Variants in CHST11 observed in about 807,000 individuals in gnomAD.
The protein encoded by CHST11 is C4S-1.
In CHST11, 9 loss-of-function variants were observed where a neutral mutation model predicts 30.4. The ratio of observed to expected loss-of-function variants is 0.30; its 90% CI spans 0.18 to 0.52. The LOEUF is 0.52. CHST11 is among the 20% of genes least tolerant of loss of function. The pLI is 0.97. For missense variants in CHST11, 348 were observed against 460.6 expected, an observed-to-expected ratio of 0.76 and a Z score of 2.24; for synonymous variants, 152 against 187.8, an observed-to-expected ratio of 0.81 and a Z score of 1.56.
rs1156636804 is a variant in CHST11, at chr12:104,754,622, C to T, written c.205-2327C>T. Reference sequence around the variant, plus strand: ...TCATCAGAGCAAGTCACAGCCAGCCCCCATTCAAAGAACTGGAGAAATAGA... The same window carrying T: ...TCATCAGAGCAAGTCACAGCCAGCCTCCATTCAAAGAACTGGAGAAATAGA... On this transcript the variant is annotated intron_variant, in intron 2 of 2. Transcript: ENST00000303694. Among the ~76,000 whole-genome samples the T allele has an allele frequency of 2.0e-5, 3 of 152,274 alleles. No individual in the cohort carries two copies. In the East Asian group the frequency reaches 5.8e-4, roughly 29 times the overall value.
At chr12:104,698,065 C>A (rs34639781) in intron 2 of CHST11, among the ~76,000 whole-genome samples, 2 of 152,108 alleles carry the variant, frequency 1.3e-5, no homozygotes, top group South Asian at 2.1e-4. Context: ...CGTCAATGTC[C>A]CCTAGTTGAA....
chr12:104,659,790 A>T (rs1283723558), intron 2 of CHST11, among the ~76,000 whole-genome samples: 1 of 146,456 alleles, frequency 6.8e-6, no homozygotes, highest in African/African-American at 2.5e-5. Context: ...ACATAGTGAG[A>T]CCCCCCCCCG....
chr12:104,544,477 C>A (rs996648164), intron 1 of CHST11, among the ~76,000 whole-genome samples: 18 of 151,848 alleles, frequency 1.2e-4, no homozygotes, highest in African/African-American at 4.1e-4. Flanking sequence ...AGCACTTTGG[C>A]GGGGGGATCA....
At chr12:104,636,422 T>G (rs1021324061) in intron 2 of CHST11, among the ~76,000 whole-genome samples, 3 of 152,218 alleles carry the variant, frequency 2.0e-5, no homozygotes, top group African/African-American at 7.2e-5. Context: ...GTTCTCCATG[T>G]TCTCTCCATC....
At chr12:104,634,960 G>C (rs1165402782) in intron 2 of CHST11, among the ~76,000 whole-genome samples, 1 of 152,178 alleles carries the variant, frequency 6.6e-6, no homozygotes, top group East Asian at 1.9e-4. Flanking sequence ...AAGGGAGGGA[G>C]GGATTGGGGC....
chr12:104,622,908 A>G (rs1260207830), intron 2 of CHST11, among the ~76,000 whole-genome samples: 18 of 152,224 alleles, frequency 1.2e-4, no homozygotes, highest in Admixed American at 1.2e-3. Flanking sequence ...TGTTCAGTTC[A>G]TGATTGTCCA....
At chr12:104,677,765 A>G (rs1472998291) in intron 2 of CHST11, among the ~76,000 whole-genome samples, 3 of 152,258 alleles carry the variant, frequency 2.0e-5, no homozygotes, top group Non-Finnish European at 4.4e-5. Flanking sequence ...ACGGGCGGTT[A>G]GAGATTCAAT....
intron 1 of CHST11, among the ~76,000 whole-genome samples, chr12:104,501,002 C>T (rs1039477650): frequency 7.2e-5 from 11 of 152,092 alleles, no homozygotes; most frequent in South Asian, 4.1e-4. Context: ...TCCCTACCTC[C>T]GCTAGCTCAG....
chr12:104,536,476 T>C (rs1201092966), intron 1 of CHST11, among the ~76,000 whole-genome samples: 1 of 152,222 alleles, frequency 6.6e-6, no homozygotes, highest in Admixed American at 6.5e-5. Flanking sequence ...CCATATGATG[T>C]ACTTGTGTAA....
chr12:104,650,905 GC>G (rs1352377788), intron 2 of CHST11, among the ~76,000 whole-genome samples: 1 of 152,314 alleles, frequency 6.6e-6, no homozygotes, highest in Admixed American at 6.5e-5. Context: ...TTTGCATCCT[GC>G]CCTCTGTGAT....
chr12:104,732,828 T>C (rs1388331485), intron 2 of CHST11, among the ~76,000 whole-genome samples: 1 of 152,252 alleles, frequency 6.6e-6, no homozygotes, highest in Admixed American at 6.5e-5. Flanking sequence ...TGAGACCAGA[T>C]GGCAAAACAA....
At position 104,695,240 on chromosome 12, in the gene CHST11, G is replaced by A. The variant is rs111590307; in HGVS notation, c.205-61709G>A. ...AATTTGGAAATTGCCAACATTCCTC[G>A]AATGCTCCTTATGTGCCAGCTATTG... On this transcript the variant is annotated intron_variant, in intron 2 of 2. Coordinates refer to ENST00000303694, the MANE Select transcript of CHST11 (RefSeq NM_018413.6). Among the ~76,000 whole-genome samples, 686 of 152,238 alleles carry A rather than the reference G, an allele frequency of 4.5e-3. 8 individuals are homozygous for A. The highest frequency in any genetic ancestry group is 0.016 in the African/African-American group (658 of 41,528).
chr12:104,564,576 C>G (rs1227541222), intron 1 of CHST11, among the ~76,000 whole-genome samples: 1 of 152,194 alleles, frequency 6.6e-6, no homozygotes, highest in Admixed American at 6.5e-5. Flanking sequence ...ATTCCTGTGG[C>G]CCCTCACTGC....
At chr12:104,639,821 A>C (rs983073677) in intron 2 of CHST11, among the ~76,000 whole-genome samples, 1 of 152,160 alleles carries the variant, frequency 6.6e-6, no homozygotes, top group Non-Finnish European at 1.5e-5. Context: ...TTGTGTTTGC[A>C]AAACACATAC....
intron 2 of CHST11, among the ~76,000 whole-genome samples, chr12:104,626,028 C>T (rs891027768): frequency 3.3e-5 from 5 of 152,094 alleles, no homozygotes; most frequent in Non-Finnish European, 5.9e-5. Context: ...ATGAGGAAAT[C>T]GAGGCCCAGT....
chr12:104,572,706 T>A (rs1345775094), intron 1 of CHST11, among the ~76,000 whole-genome samples: 1 of 152,224 alleles, frequency 6.6e-6, no homozygotes, highest in Non-Finnish European at 1.5e-5. Context: ...TTTTTGTGTC[T>A]CTGTCTCCTT....
intron 2 of CHST11, among the ~76,000 whole-genome samples, chr12:104,645,905 A>T (rs1052836497): frequency 6.6e-6 from 1 of 152,074 alleles, no homozygotes; most frequent in African/African-American, 2.4e-5. Context: ...CACCCTCACC[A>T]GCTCTGCCTG....
intron 1 of CHST11, among the ~76,000 whole-genome samples, chr12:104,466,150 G>A (rs926012299): frequency 3.3e-5 from 5 of 152,190 alleles, no homozygotes; most frequent in East Asian, 1.9e-4. Flanking sequence ...ATAAGCCACC[G>A]TGTCCAGCAC....
chr12:104,661,597 G>A (rs139457305), intron 2 of CHST11, among the ~76,000 whole-genome samples: 69 of 152,270 alleles, frequency 4.5e-4, no homozygotes, highest in African/African-American at 1.7e-3. Flanking sequence ...ATTTTAAAAA[G>A]CAGCAAACAG....
Sources: allele counts gnomAD v4.1 joint callset (sites outside exome capture counted in the v4.1 genomes callset), GRCh38; gene constraint gnomAD v4.1.1; transcripts MANE v1.5; gene names NCBI Gene and HGNC (gene_info 2026-07-23, HGNC 2026-07-21).